DIP2A: variants seen among roughly 807,000 people sequenced by gnomAD.
The protein encoded by DIP2A is disco-interacting protein 2 homolog A.
Under a neutral mutation model 177.4 loss-of-function variants are expected in DIP2A, and 85 were observed. That is an observed-to-expected ratio of 0.48 (90% confidence interval 0.40 to 0.57). The LOEUF (loss-of-function observed/expected upper bound fraction) is 0.57. DIP2A is among the 20% of genes least tolerant of loss of function. The probability of loss-of-function intolerance (pLI) is 0.00; values close to 1 mark genes in which losing one functional copy is unlikely to be tolerated. For synonymous variants in DIP2A, 886 were observed against 881.8 expected, an observed-to-expected ratio of 1.00 and a Z score of -0.08; for missense variants, 1,791 against 2,100.2, an observed-to-expected ratio of 0.85 and a Z score of 2.88.
At chr21:46,465,173 C>G (rs564056206) in intron 1 of DIP2A, among the ~76,000 whole-genome samples, 15 of 151,754 alleles carry the variant, frequency 9.9e-5, no homozygotes, top group Non-Finnish European at 1.9e-4. Context: ...CATTTGTCCC[C>G]TCTTTTGGAG....
At chr21:46,468,230 C>T (rs2055018213) in intron 1 of DIP2A, among the ~76,000 whole-genome samples, 1 of 141,000 alleles carries the variant, frequency 7.1e-6, no homozygotes, top group African/African-American at 2.7e-5. Flanking sequence ...TGTGCCACTG[C>T]ACTCCAGCCT....
At chr21:46,461,172 C>T (rs953988545) in intron 1 of DIP2A, among the ~76,000 whole-genome samples, 6 of 149,012 alleles carry the variant, frequency 4.0e-5, no homozygotes, top group African/African-American at 1.5e-4. Context: ...GTGGTGTGCA[C>T]CTGTAGTCCC....
chr21:46,517,271 G>A (rs2058629449), intron 8 of DIP2A, among the ~76,000 whole-genome samples: 1 of 151,580 alleles, frequency 6.6e-6, no homozygotes, highest in Non-Finnish European at 1.5e-5. Flanking sequence ...TAGAGATGGG[G>A]TTTCACTGTG....
At chr21:46,529,824 T>G (rs1322997401) in intron 9 of DIP2A, among the ~76,000 whole-genome samples, 1 of 152,188 alleles carries the variant, frequency 6.6e-6, no homozygotes, top group Non-Finnish European at 1.5e-5. Context: ...TGCTGTGAAA[T>G]TCTGTATTTT....
At chr21:46,495,532 T>G (rs1251210189) in intron 3 of DIP2A, among the ~76,000 whole-genome samples, 1 of 152,022 alleles carries the variant, frequency 6.6e-6, no homozygotes, top group Non-Finnish European at 1.5e-5. Flanking sequence ...CCTCCCAAAG[T>G]GCTGGGATTA....
At chr21:46,495,271 TCTCTCTCTG>T in intron 3 of DIP2A, among the ~76,000 whole-genome samples, 2 of 148,586 alleles carry the variant, frequency 1.3e-5, no homozygotes, top group African/African-American at 5.0e-5. Flanking sequence ...TCTCTCTCTC[TCTCTCTCTG>T]TTTTTGAGAT....
At chr21:46,571,172 C>T (rs1480536060), downstream of DIP2A, among the ~76,000 whole-genome samples, 5 of 152,142 alleles carry the variant, frequency 3.3e-5, no homozygotes, top group African/African-American at 7.2e-5. Flanking sequence ...ACTAACTGCA[C>T]GTGCCAGGGA....
At chr21:46,550,808 T>TA in intron 23 of DIP2A, 64 bp downstream of exon 23, 1 of 1,547,258 alleles carries the variant, frequency 6.5e-7, no homozygotes, top group Non-Finnish European at 8.8e-7. Flanking sequence ...TGCTTGTGGT[T>TA]AGGGTGCGGC....
chr21:46,532,796 A>C (rs989949697), intron 10 of DIP2A, among the ~76,000 whole-genome samples: 3 of 152,192 alleles, frequency 2.0e-5, no homozygotes, highest in Non-Finnish European at 2.9e-5. Flanking sequence ...GGTATCTGTA[A>C]CATTTTTGAT....
rs745343277 is a variant in DIP2A at position 46,511,545 on chromosome 21, A to G, written c.1033A>G (p.Thr345Ala). Residue 345 changes from threonine (T) to alanine (A), a missense_variant, in exon 8 of 38, where the codon ACA becomes GCA. Coordinates refer to ENST00000417564, the MANE Select transcript of DIP2A (RefSeq NM_015151.4). ...GGCCACCTTGCAGCGCTGGGGCACA[A>G]CACAGCCCAAATCCCCCTGTCTGAC... ...LLATLQRWGT[T>A]QPKSPCLTAL... 1.2e-5 allele frequency: 20 copies of G among 1,606,144 alleles called. No individual in the cohort carries two copies. Among genetic ancestry groups the G allele is most frequent in the East Asian group, 2.2e-5 (1 of 44,714 alleles).
rs2060886893 is a variant in DIP2A at position 46,568,169 on chromosome 21, T to TGCTCACAGAGGGCACTGTGGTC, written c.*548_*569dup. Reference sequence around the variant, plus strand: ...GGAAGCAAGCTGGACCCATCCTCCCTGCTCACAGAGGGCACTGTGGTCACA... The same window carrying TGCTCACAGAGGGCACTGTGGTC: ...GGAAGCAAGCTGGACCCATCCTCCCTGCTCACAGAGGGCACTGTGGTCGCTCACAGAGGGCACTGTGGTCACA... On this transcript the variant is annotated 3_prime_UTR_variant, in exon 38 of 38. Coordinates refer to ENST00000417564, the MANE Select transcript of DIP2A (RefSeq NM_015151.4). 1 of 152,376 alleles carries TGCTCACAGAGGGCACTGTGGTC rather than the reference T, an allele frequency of 6.6e-6. No individual in the cohort carries two copies. The highest frequency in any genetic ancestry group is 6.5e-5 in the Admixed American group (1 of 15,284). 9.4% of individuals were successfully genotyped at this position (152,376 alleles called of 1,614,324 possible). A position where few individuals can be genotyped will look rare whatever the true frequency, so the allele number is the denominator to read the frequency against.
At chr21:46,549,699 G>C (rs1045769714) in intron 21 of DIP2A, 72 bp from the exon 22 acceptor site, 1 of 1,586,066 alleles carries the variant, frequency 6.3e-7, no homozygotes, top group Non-Finnish European at 8.6e-7. Context: ...CTCTTCCATC[G>C]TGAGGGTGAG....
At chr21:46,524,614 T>C (rs2058982239) in intron 8 of DIP2A, among the ~76,000 whole-genome samples, 1 of 152,004 alleles carries the variant, frequency 6.6e-6, no homozygotes, top group Non-Finnish European at 1.5e-5. Context: ...GGCAAGTCAG[T>C]GTAGTAAAGT....
chr21:46,532,380 C>A, intron 10 of DIP2A, 143 bp downstream of exon 10: 2 of 665,332 alleles, frequency 3.0e-6, no homozygotes, highest in East Asian at 5.7e-5. Flanking sequence ...ACAGGCTGGC[C>A]AGGACTCAAG....
Position 46,481,621 on chromosome 21 carries a change from C to T in DIP2A, c.92-3136C>T, listed in dbSNP as rs139093400. ...CTTCACAGTCTTTGTCAGCACTTGA[C>T]ATTGTCAGTATTTTTAAAGCTTTAG... On this transcript the variant is annotated intron_variant, in intron 1 of 37. Coordinates refer to ENST00000417564, the MANE Select transcript of DIP2A (RefSeq NM_015151.4). Among the ~76,000 whole-genome samples, 986 of 152,294 alleles carry T rather than the reference C, an allele frequency of 6.5e-3. 9 individuals are homozygous for T. The highest frequency in any genetic ancestry group is 0.011 in the Non-Finnish European group (754 of 68,022).
chr21:46,529,378 T>C (rs2059259346), intron 9 of DIP2A, among the ~76,000 whole-genome samples, 195 bp downstream of exon 9: 1 of 152,156 alleles, frequency 6.6e-6, no homozygotes, highest in Non-Finnish European at 1.5e-5. Context: ...GGTGAGCGGA[T>C]TGCCTGAGCT....
chr21:46,550,435 T>C lies in DIP2A; in HGVS notation c.2638-108T>C. The stretch of plus-strand genomic sequence containing the variant: ...ACAAAGTGTCCAGAGGGCATTCCAT[T>C]TCCTGGCCTGGGGAACAGGTCCACA... On this transcript the variant is annotated intron_variant, in intron 22 of 37. Coordinates refer to ENST00000417564, the MANE Select transcript of DIP2A (RefSeq NM_015151.4). The C allele has an allele frequency of 2.8e-6, 3 of 1,076,972 alleles. No individual in the cohort carries two copies. In the South Asian group the frequency reaches 4.4e-5, roughly 16 times the overall value. The allele number at this position is 1,076,972 out of a possible 1,614,324, so 66.7% of individuals were successfully genotyped here.
At chr21:46,570,040 C>T (rs2060937727), downstream of DIP2A, among the ~76,000 whole-genome samples, 1 of 152,170 alleles carries the variant, frequency 6.6e-6, no homozygotes, top group South Asian at 2.1e-4. Context: ...CTACATGTTT[C>T]AGTGGCTGTA....
At chr21:46,502,181 G>T (rs1272126432) in intron 5 of DIP2A, among the ~76,000 whole-genome samples, 1 of 152,050 alleles carries the variant, frequency 6.6e-6, no homozygotes, top group Non-Finnish European at 1.5e-5. Context: ...TGTGGCCCGG[G>T]CTAGAGTGCA....
Sources: gnomAD v4.1 joint callset for allele counts (sites outside exome capture counted in the v4.1 genomes callset) on GRCh38, gnomAD v4.1.1 for gene constraint, MANE v1.5 for transcripts, NCBI Gene and HGNC (gene_info 2026-07-23, HGNC 2026-07-21) for gene names.